The following RPA2 variants were observed in gnomAD, a reference collection of about 807,000 sequenced individuals.
RPA2 encodes the protein replication protein A 32 kDa subunit.
In RPA2, 22 loss-of-function variants were observed where a neutral mutation model predicts 33.4. The ratio of observed to expected loss-of-function variants is 0.66; its 90% CI spans 0.47 to 0.94. The LOEUF (loss-of-function observed/expected upper bound fraction) is 0.94, where lower values mean the gene tolerates loss of function less well. RPA2 is among the 40% of genes least tolerant of loss of function. The pLI is 0.00. For missense variants in RPA2, 279 were observed against 329.9 expected, an observed-to-expected ratio of 0.85 and a Z score of 1.19; for synonymous variants, 109 against 114.9, an observed-to-expected ratio of 0.95 and a Z score of 0.33.
intron 8 of RPA2, 80 bp from the exon 9 acceptor site, chr1:27,892,327 G>A (rs2089835354): frequency 9.3e-7 from 1 of 1,070,988 alleles, no homozygotes; most frequent in Non-Finnish European, 1.4e-6. Flanking sequence ...GGCCAAATAT[G>A]CAAACTTCGC....
chr1:27,914,276 CCT>C (rs2090140035), intron 1 of RPA2, 107 bp from the exon 2 acceptor site: 11 of 1,598,382 alleles, frequency 6.9e-6, no homozygotes, highest in African/African-American at 1.3e-5. Flanking sequence ...GTCTCCCTAA[CCT>C]TCCTCGCCGC....
intron 6 of RPA2, among the ~76,000 whole-genome samples, chr1:27,895,064 C>T (rs2089872644): frequency 6.6e-6 from 1 of 152,184 alleles, no homozygotes; most frequent in African/African-American, 2.4e-5. Flanking sequence ...GGCTTCTTGA[C>T]ACCACATTCT....
At position 27,913,243 on chromosome 1, in the gene RPA2, G is replaced by A. The variant is rs148827156; in HGVS notation, c.117+820C>T. Among the ~76,000 whole-genome samples, 203 of 151,086 alleles carry A rather than the reference G, an allele frequency of 1.3e-3. 1 individual carries two copies. Among genetic ancestry groups the A allele is most frequent in the African/African-American group, 4.6e-3 (189 of 41,256 alleles). ...GCTGGGATTACGGGCGTGAGCCACCGCGGCTGGCCCAAAAACCACACTCCT... is the reference window on the plus strand; with the variant it reads ...GCTGGGATTACGGGCGTGAGCCACCACGGCTGGCCCAAAAACCACACTCCT... On this transcript the variant is annotated intron_variant, in intron 2 of 8. Coordinates refer to ENST00000373912, the MANE Select transcript of RPA2 (RefSeq NM_002946.5).
In RPA2 at chr1:27,913,543, G is replaced by A. The variant is rs538577444; in HGVS notation, c.117+520C>T. The stretch of plus-strand genomic sequence containing the variant: ...GCGGAGGTTGCGGGGAGCCGAGATC[G>A]CGCCATTGCACTCCAGCCTGGGCAA... On this transcript the variant is annotated intron_variant, in intron 2 of 8. Coordinates refer to ENST00000373912, the MANE Select transcript of RPA2 (RefSeq NM_002946.5). Among the ~76,000 whole-genome samples, 9 of 150,544 alleles carry A rather than the reference G, an allele frequency of 6.0e-5. No homozygotes were observed. In the South Asian group the frequency reaches 1.9e-3, roughly 32 times the overall value.
intron 3 of RPA2, 60 bp from the exon 4 acceptor site, chr1:27,907,101 A>G: frequency 6.4e-7 from 1 of 1,570,084 alleles, no homozygotes; most frequent in Non-Finnish European, 8.7e-7. Context: ...AACCAAGGCT[A>G]CATTTTTGTA....
At position 27,894,315 on chromosome 1, in the gene RPA2, T is replaced by C. The variant is rs28904899; in HGVS notation, c.608A>G (p.Asn203Ser). The change falls in exon 7 of 9, where the codon AAT (asparagine) becomes AGT (serine). Residue 203 changes from asparagine to serine, a missense_variant. By Grantham distance (46) the Asn-to-Ser change is conservative. This residue lies in a region of RPA2 where 274 missense variants were observed against 310.3 expected (regional missense o/e 0.88). Coordinates refer to ENST00000373912, the MANE Select transcript of RPA2 (RefSeq NM_002946.5). ...NFGGNSFMPA[N>S]GLTVAQNQVL... ...CTGGTTTTGGGCCACAGTGAGGCCATTTGCTGGCATGAAGCTATTCCCACC... is the reference window on the plus strand; with the variant it reads ...CTGGTTTTGGGCCACAGTGAGGCCACTTGCTGGCATGAAGCTATTCCCACC... 211 of 1,614,154 alleles carry C rather than the reference T, an allele frequency of 1.3e-4. 2 individuals carry two copies. In the Admixed American group the frequency reaches 3.5e-3, roughly 27 times the overall value.
rs572346601 is a variant in RPA2, at chr1:27,904,318, A to G, written c.333+2610T>C. Among the ~76,000 whole-genome samples the G allele has an allele frequency of 7.2e-5, 11 of 152,310 alleles. No homozygotes were observed. In the East Asian group the frequency reaches 2.1e-3, roughly 29 times the overall value. ...TGCAGAGACAGATGTCTGAAAGGGT[A>G]TTTTCCAAAATGTGTCGTAATAGTA... On this transcript the variant is annotated intron_variant, in intron 4 of 8. Transcript: ENST00000373912.
At chr1:27,903,235 T>TCG (rs1165566398) in intron 4 of RPA2, among the ~76,000 whole-genome samples, 367 of 152,250 alleles carry the variant, frequency 2.4e-3, no homozygotes, top group African/African-American at 8.5e-3. Flanking sequence ...GGCCTTACGA[T>TCG]TATTTTATAA....
chr1:27,914,026 C>G (rs2090135200), intron 2 of RPA2, 37 bp downstream of exon 2: 1 of 1,524,812 alleles, frequency 6.6e-7, no homozygotes, highest in South Asian at 1.3e-5. Context: ...GACTTCAGGA[C>G]AGGATAAAAC....
chr1:27,894,823 C>A (rs1462230037), intron 6 of RPA2, among the ~76,000 whole-genome samples: 1 of 152,060 alleles, frequency 6.6e-6, no homozygotes, highest in Non-Finnish European at 1.5e-5. Flanking sequence ...TTTTTAACCA[C>A]CAAATTCTTA....
At position 27,914,497 on chromosome 1, in the gene RPA2, G is replaced by C. The variant is rs375405240; in HGVS notation, c.-54C>G. 23 of 1,593,944 alleles carry C rather than the reference G, an allele frequency of 1.4e-5. No individual in the cohort carries two copies. The African/African-American group carries it at 2.7e-4, about 19-fold the overall frequency. ...GAGAAGGTGCGGGTCTGGGGGAATA[G>C]CGGAAAACCACAGAACGCGGCCGCC... On this transcript the variant is annotated 5_prime_UTR_variant, in exon 1 of 9. Transcript: ENST00000373912.
chr1:27,911,015 A>T (rs1275532077), intron 2 of RPA2, among the ~76,000 whole-genome samples: 1 of 152,134 alleles, frequency 6.6e-6, no homozygotes, highest in East Asian at 1.9e-4. Flanking sequence ...CAGGAGTTTG[A>T]GACCAGCCTG....
chr1:27,902,898 C>T (rs2089984587), intron 4 of RPA2, among the ~76,000 whole-genome samples: 1 of 150,880 alleles, frequency 6.6e-6, no homozygotes, highest in South Asian at 2.1e-4. Context: ...TGTATTTCCC[C>T]CCAGAAAACC....
intron 8 of RPA2, among the ~76,000 whole-genome samples, chr1:27,893,553 T>C (rs777169517): frequency 1.3e-5 from 2 of 151,842 alleles, no homozygotes; most frequent in African/African-American, 2.4e-5. Context: ...TCAAGCAATC[T>C]GCCCACCTCA....
chr1:27,898,137 C>T (rs2089916338), intron 4 of RPA2, among the ~76,000 whole-genome samples: 1 of 152,264 alleles, frequency 6.6e-6, no homozygotes, highest in East Asian at 1.9e-4. Context: ...GCTGGGATTA[C>T]AGGCGCCCGC....
intron 2 of RPA2, among the ~76,000 whole-genome samples, chr1:27,909,471 G>A (rs1343593374): frequency 6.6e-6 from 1 of 152,064 alleles, no homozygotes; most frequent in African/African-American, 2.4e-5. Context: ...TAATCCCAAG[G>A]CCGAGGCGGG....
chr1:27,914,651 C>T (rs2090147954), upstream of RPA2: 1 of 1,613,690 alleles, frequency 6.2e-7, no homozygotes, highest in Non-Finnish European at 8.5e-7. Flanking sequence ...TTCCTGTCTC[C>T]TCTGCCCATG....
At chr1:27,894,926 T>C (rs12058265) in intron 6 of RPA2, among the ~76,000 whole-genome samples, 7,267 of 152,272 alleles carry the variant, frequency 0.048, 485 homozygotes, top group African/African-American at 0.16. Flanking sequence ...CCTCTGAAAC[T>C]GTTTTCACCA....
intron 2 of RPA2, among the ~76,000 whole-genome samples, chr1:27,908,140 GTT>G (rs954620610): frequency 4.6e-5 from 7 of 151,830 alleles, no homozygotes; most frequent in African/African-American, 1.7e-4. Flanking sequence ...GCCAAATTTT[GTT>G]TTGAGATGGG....
Sources: gnomAD v4.1 joint callset for allele counts (sites outside exome capture counted in the v4.1 genomes callset) on GRCh38, gnomAD v4.1.1 for gene constraint, gnomAD v4.1.1 regional missense constraint, MANE v1.5 for transcripts, NCBI Gene and HGNC (gene_info 2026-07-23, HGNC 2026-07-21) for gene names.